Variants in MARCHF6 observed in about 807,000 individuals in gnomAD.
MARCHF6 encodes membrane associated ring-CH-type finger 6, also known as E3 ubiquitin-protein ligase MARCHF6.
In MARCHF6, 31 loss-of-function variants were observed where a neutral mutation model predicts 133.7. The observed-to-expected ratio is 0.23, with a 90% CI of 0.17 to 0.31. MARCHF6 has a LOEUF of 0.31. Ranked by LOEUF, MARCHF6 falls within the 10% of genes least tolerant of loss-of-function variation. The pLI, the probability that MARCHF6 is intolerant of heterozygous loss-of-function variation, is 1.00. For missense variants in MARCHF6, 723 were observed against 1,121.6 expected, an observed-to-expected ratio of 0.64 and a Z score of 5.08; for synonymous variants, 395 against 402.5, an observed-to-expected ratio of 0.98 and a Z score of 0.22.
At chr5:10,405,483 C>G in intron 15 of MARCHF6, 75 bp from the exon 16 acceptor site, 1 of 1,249,858 alleles carries the variant, frequency 8.0e-7, no homozygotes, top group South Asian at 1.5e-5. Context: ...GCTTATCTTT[C>G]TGTTAATGTT....
intron 1 of MARCHF6, among the ~76,000 whole-genome samples, chr5:10,376,300 C>T (rs1579542098): frequency 1.3e-5 from 2 of 151,988 alleles, no homozygotes; most frequent in Admixed American, 6.5e-5. Flanking sequence ...CAACTCCAGA[C>T]GCGCTGCCTT....
At chr5:10,392,573 G>A (rs149581949) in intron 7 of MARCHF6, among the ~76,000 whole-genome samples, 110 of 152,210 alleles carry the variant, frequency 7.2e-4, no homozygotes, top group African/African-American at 2.6e-3. Flanking sequence ...GGCCAACATG[G>A]TGAAACCCCA....
chr5:10,385,436 A>G (rs1016067183), intron 4 of MARCHF6, among the ~76,000 whole-genome samples: 1 of 152,216 alleles, frequency 6.6e-6, no homozygotes, highest in Admixed American at 6.5e-5. Flanking sequence ...AAAGAAAGGA[A>G]GGGAATGCAG....
chr5:10,417,500 C>G (rs937729312), intron 22 of MARCHF6, 96 bp downstream of exon 22: 11 of 1,505,194 alleles, frequency 7.3e-6, no homozygotes, highest in Non-Finnish European at 1.0e-5. Context: ...TAATCTAGCA[C>G]TTTGGGAGGC....
At chr5:10,354,602 A>C (rs1735330712) in intron 1 of MARCHF6, 1 of 152,226 alleles carries the variant, frequency 6.6e-6, no homozygotes, top group Non-Finnish European at 1.5e-5. Context: ...TGACCCTTGT[A>C]AAATGAATAC....
chr5:10,425,471 C>CGT (rs563870074), intron 23 of MARCHF6, among the ~76,000 whole-genome samples: 30 of 152,190 alleles, frequency 2.0e-4, no homozygotes, highest in Admixed American at 1.2e-3. Context: ...TGCGTATGTG[C>CGT]GTGTGTGTCT....
intron 5 of MARCHF6, among the ~76,000 whole-genome samples, chr5:10,388,571 TTCA>T (rs1737626975): frequency 6.6e-6 from 1 of 152,184 alleles, no homozygotes; most frequent in South Asian, 2.1e-4. Context: ...AGCTGAGCTT[TTCA>T]TCTATTGGGC....
intron 1 of MARCHF6, among the ~76,000 whole-genome samples, chr5:10,360,240 C>A (rs1175356894): frequency 6.8e-6 from 1 of 146,864 alleles, no homozygotes; most frequent in Non-Finnish European, 1.5e-5. Flanking sequence ...ACCTCCGCCT[C>A]CCAGGTTCAA....
At chr5:10,430,056 G>T (rs1740289657) in intron 25 of MARCHF6, 28 bp downstream of exon 25, 1 of 1,589,020 alleles carries the variant, frequency 6.3e-7, no homozygotes, top group African/African-American at 1.3e-5. Context: ...TTCGTCTCTT[G>T]TTTAAGTGTT....
At chr5:10,416,943 GTC>G (rs1739547320) in intron 21 of MARCHF6, among the ~76,000 whole-genome samples, 1 of 152,204 alleles carries the variant, frequency 6.6e-6, no homozygotes, top group Non-Finnish European at 1.5e-5. Context: ...CTGTATACCA[GTC>G]CACCTCAAAG....
chr5:10,401,757 G>A (rs1738544657), intron 11 of MARCHF6: 1 of 415,628 alleles, frequency 2.4e-6, no homozygotes, highest in Admixed American at 4.1e-5. Flanking sequence ...TAGAGTGAGA[G>A]TAGAGGGCAG....
chr5:10,412,313 C>T (rs1739276089), intron 19 of MARCHF6, among the ~76,000 whole-genome samples: 1 of 152,186 alleles, frequency 6.6e-6, no homozygotes, highest in Non-Finnish European at 1.5e-5. Context: ...AGCTTACAGT[C>T]TACTCAGATG....
At chr5:10,404,026 A>G (rs975603720) in intron 15 of MARCHF6, among the ~76,000 whole-genome samples, 26 of 147,782 alleles carry the variant, frequency 1.8e-4, no homozygotes, top group African/African-American at 6.5e-4. Flanking sequence ...GGCCTGATGG[A>G]TTACCTTTAT....
intron 1 of MARCHF6, among the ~76,000 whole-genome samples, chr5:10,354,974 A>G (rs760201238): frequency 6.6e-6 from 1 of 152,138 alleles, no homozygotes; most frequent in Non-Finnish European, 1.5e-5. Context: ...TTTAATAAAT[A>G]CCTCAACTAT....
At chr5:10,374,655 G>A (rs1736667107) in intron 1 of MARCHF6, among the ~76,000 whole-genome samples, 1 of 152,180 alleles carries the variant, frequency 6.6e-6, no homozygotes, top group Admixed American at 6.5e-5. Flanking sequence ...TGCCAAGGAT[G>A]TTTTCATTAA....
intron 1 of MARCHF6, among the ~76,000 whole-genome samples, chr5:10,366,107 A>G (rs909057335): frequency 6.6e-6 from 1 of 151,744 alleles, no homozygotes; most frequent in African/African-American, 2.4e-5. Flanking sequence ...TAGTTTTTGT[A>G]TTTTTAGTAG....
chr5:10,376,542 C>A (rs1429501991), intron 1 of MARCHF6, among the ~76,000 whole-genome samples: 2 of 152,252 alleles, frequency 1.3e-5, no homozygotes, highest in Non-Finnish European at 2.9e-5. Flanking sequence ...GGTAGTTAAT[C>A]AATAACCAGG....
At chr5:10,426,329 G>A in intron 23 of MARCHF6, 61 bp from the exon 24 acceptor site, 2 of 1,575,378 alleles carry the variant, frequency 1.3e-6, no homozygotes, top group Non-Finnish European at 1.7e-6. Context: ...GGAGATTGCT[G>A]TATTAACTTG....
intron 1 of MARCHF6, among the ~76,000 whole-genome samples, chr5:10,362,812 AAAATT>A (rs1452515623): frequency 2.6e-5 from 4 of 151,490 alleles, no homozygotes; most frequent in East Asian, 1.9e-4. Context: ...GTCACCTTAA[AAAATT>A]AAATTAACTG....
Sources: gnomAD v4.1 joint callset for allele counts (sites outside exome capture counted in the v4.1 genomes callset) on GRCh38, gnomAD v4.1.1 for gene constraint, MANE v1.5 for transcripts, NCBI Gene and HGNC (gene_info 2026-07-23, HGNC 2026-07-21) for gene names.